MMP26: variants seen among roughly 807,000 people sequenced by gnomAD.
MMP26 encodes matrix metalloproteinase-26.
In MMP26, 33 loss-of-function variants were observed where a neutral mutation model predicts 31.0. The ratio of observed to expected loss-of-function variants is 1.06; its 90% CI spans 0.81 to 1.42. The LOEUF (loss-of-function observed/expected upper bound fraction) is 1.42. MMP26 is among the 40% of genes most tolerant of loss of function. The pLI, the probability that MMP26 is intolerant of heterozygous loss-of-function variation, is 0.00. For missense variants in MMP26, 347 were observed against 316.1 expected (o/e 1.10, Z -0.74); for synonymous variants, 122 against 114.9 (o/e 1.06, Z -0.40).
chr11:4,921,756 G>A (rs554239320), intron 2 of MMP26, among the ~76,000 whole-genome samples: 4 of 152,310 alleles, frequency 2.6e-5, no homozygotes, highest in African/African-American at 7.2e-5. Context: ...TATGTTTGCA[G>A]TTGTTTTCTT....
chr11:4,869,349 A>G (rs886979450), intron 2 of MMP26, among the ~76,000 whole-genome samples: 8 of 152,202 alleles, frequency 5.3e-5, no homozygotes, highest in Non-Finnish European at 8.8e-5. Context: ...AGAATCTACA[A>G]AGAACTTAAA....
chr11:4,776,103 A>G (rs979478712), intron 2 of MMP26, among the ~76,000 whole-genome samples: 1 of 151,860 alleles, frequency 6.6e-6, no homozygotes, highest in African/African-American at 2.4e-5. Context: ...AGTTTCATCC[A>G]TTTTGCTTCA....
intron 2 of MMP26, chr11:4,794,038 C>T (rs1004340016): frequency 2.0e-5 from 3 of 152,094 alleles, no homozygotes; most frequent in Non-Finnish European, 4.4e-5. Flanking sequence ...ACAGTACAGC[C>T]TGCAATGTCT....
intron 2 of MMP26, among the ~76,000 whole-genome samples, chr11:4,985,933 C>A (rs184904796): frequency 2.9e-4 from 44 of 152,288 alleles, no homozygotes; most frequent in Admixed American, 1.2e-3. Context: ...GCAAAATTAG[C>A]TTTCCTTGTT....
chr11:4,747,708 A>G (rs1848398836), intron 1 of MMP26, among the ~76,000 whole-genome samples: 1 of 152,140 alleles, frequency 6.6e-6, no homozygotes, highest in Non-Finnish European at 1.5e-5. Context: ...TAGGCAAAGG[A>G]TTTTGATGCC....
chr11:4,938,944 T>G (rs1846169527), intron 2 of MMP26, among the ~76,000 whole-genome samples: 1 of 152,166 alleles, frequency 6.6e-6, no homozygotes, highest in Non-Finnish European at 1.5e-5. Context: ...AAATACATCC[T>G]AATTTCTCCC....
chr11:4,813,173 A>G (rs950464186), intron 2 of MMP26, among the ~76,000 whole-genome samples: 1 of 152,068 alleles, frequency 6.6e-6, no homozygotes, highest in Non-Finnish European at 1.5e-5. Flanking sequence ...TTAATCTATT[A>G]TTTTATGTCA....
intron 2 of MMP26, among the ~76,000 whole-genome samples, chr11:4,963,757 C>A (rs10768406): frequency 0.48 from 72,765 of 151,964 alleles, 18,587 homozygotes; most frequent in South Asian, 0.64. Flanking sequence ...TCCTTTTTCT[C>A]CACAACCTCA....
At chr11:4,717,873 A>C (rs1415645238) in intron 1 of MMP26, among the ~76,000 whole-genome samples, 1 of 152,208 alleles carries the variant, frequency 6.6e-6, no homozygotes, top group Non-Finnish European at 1.5e-5. Context: ...AGCTGTAAAA[A>C]ACGTTGACTT....
intron 1 of MMP26, among the ~76,000 whole-genome samples, chr11:4,744,892 CTCT>C (rs1024022419): frequency 2.0e-5 from 3 of 151,976 alleles, no homozygotes; most frequent in East Asian, 1.9e-4. Context: ...CCATAATCAC[CTCT>C]TCTTCTTTAT....
intron 1 of MMP26, chr11:4,711,910 T>C (rs893683966): frequency 3.3e-5 from 5 of 152,214 alleles, no homozygotes; most frequent in African/African-American, 4.8e-5. Flanking sequence ...TTTTGCTCTC[T>C]CTGACTGACA....
intron 2 of MMP26, among the ~76,000 whole-genome samples, chr11:4,786,081 TA>T (rs1170006368): frequency 6.6e-5 from 10 of 152,172 alleles, no homozygotes; most frequent in Non-Finnish European, 1.5e-5. Flanking sequence ...GGGTTCAATA[TA>T]AAGCCCTGAC....
intron 2 of MMP26, among the ~76,000 whole-genome samples, chr11:4,878,656 A>AT (rs1850417615): frequency 6.6e-6 from 1 of 152,156 alleles, no homozygotes; most frequent in African/African-American, 2.4e-5. Flanking sequence ...GACACTTAAT[A>AT]TATATTTTTG....
At chr11:4,881,721 T>C (rs1003856139) in intron 2 of MMP26, 3 of 611,284 alleles carry the variant, frequency 4.9e-6, no homozygotes, top group Non-Finnish European at 2.9e-6. Flanking sequence ...TGTATTGAAC[T>C]ATTTTAGCCT....
At chr11:4,789,764 T>C (rs1848998805) in intron 2 of MMP26, among the ~76,000 whole-genome samples, 1 of 151,502 alleles carries the variant, frequency 6.6e-6, no homozygotes, top group Non-Finnish European at 1.5e-5. Context: ...ATGGTGTCGA[T>C]CTCCTGACCT....
chr11:4,986,306 C>A (rs1030055455), intron 2 of MMP26, among the ~76,000 whole-genome samples: 4 of 151,906 alleles, frequency 2.6e-5, no homozygotes, highest in Non-Finnish European at 5.9e-5. Flanking sequence ...GTATTTTTAA[C>A]AAATTCTTTC....
At chr11:4,812,416 T>C (rs746884742) in intron 2 of MMP26, among the ~76,000 whole-genome samples, 2 of 152,160 alleles carry the variant, frequency 1.3e-5, no homozygotes, top group Non-Finnish European at 2.9e-5. Context: ...TGAGGTGACA[T>C]GCCTAGGGAA....
chr11:4,973,916 A>G (rs751424494), intron 2 of MMP26: 5 of 152,038 alleles, frequency 3.3e-5, no homozygotes, highest in Non-Finnish European at 5.9e-5. Flanking sequence ...TGAGAAGCTC[A>G]TAAGAGGTTT....
At chr11:4,981,678 CTT>C (rs1846815640) in intron 2 of MMP26, among the ~76,000 whole-genome samples, 1 of 151,998 alleles carries the variant, frequency 6.6e-6, no homozygotes, top group South Asian at 2.1e-4. Context: ...CTTCTTATAA[CTT>C]TTTTATTTAC....
Sources: gnomAD v4.1 joint callset for allele counts (sites outside exome capture counted in the v4.1 genomes callset) on GRCh38, gnomAD v4.1.1 for gene constraint, MANE v1.5 for transcripts, NCBI Gene and HGNC (gene_info 2026-07-23, HGNC 2026-07-21) for gene names.